CACNA1S: variants seen among roughly 807,000 people sequenced by gnomAD.
The protein encoded by CACNA1S is voltage-dependent L-type calcium channel subunit alpha-1S.
Under a neutral mutation model 207.4 loss-of-function variants are expected in CACNA1S, and 126 were observed. The ratio of observed to expected loss-of-function variants is 0.61; its 90% CI spans 0.53 to 0.70. The LOEUF is 0.70. CACNA1S is among the 30% of genes least tolerant of loss of function. The probability of loss-of-function intolerance (pLI) is 0.00; values close to 1 mark genes in which losing one functional copy is unlikely to be tolerated. For synonymous variants in CACNA1S, 960 were observed against 932.7 expected (o/e 1.03, Z -0.53); for missense variants, 2,349 against 2,422.8 (o/e 0.97, Z 0.64).
rs1661376905 is a variant in CACNA1S, at chr1:201,069,538, G to T, written c.2424C>A (p.Phe808Leu). The part of the protein sequence containing the change: ...ATWFTNFILL[F>L]ILLSSAALAA... ...CCAGTGCAGCGCTGCTGAGCAGGAT[G>T]AAGAGCAGGATGAAGTTGGTAAACC... is the stretch of plus-strand genomic sequence containing the variant. Residue 808 changes from phenylalanine to leucine, a missense_variant, in exon 18 of 44, where the codon TTC becomes TTA. Transcript: ENST00000362061. 3.2e-6 allele frequency: 5 copies of T among 1,584,536 alleles called. No homozygotes were observed. The highest frequency in any genetic ancestry group is 4.3e-6 in the Non-Finnish European group (5 of 1,166,540).
At chr1:201,068,617 A>G (rs1288093359) in intron 19 of CACNA1S, among the ~76,000 whole-genome samples, 1 of 151,234 alleles carries the variant, frequency 6.6e-6, no homozygotes, top group Non-Finnish European at 1.5e-5. Context: ...TCATGCCTGT[A>G]ATCCCAGCAC....
chr1:201,106,281 G>A (rs1319296838), intron 2 of CACNA1S, among the ~76,000 whole-genome samples: 3 of 151,940 alleles, frequency 2.0e-5, no homozygotes, highest in Admixed American at 2.0e-4. Flanking sequence ...TTTCCTGCCT[G>A]GATGACTTCC....
chr1:201,111,718 C>A (rs1034969736), intron 1 of CACNA1S, among the ~76,000 whole-genome samples: 1 of 152,164 alleles, frequency 6.6e-6, no homozygotes, highest in African/African-American at 2.4e-5. Context: ...TTTTTGGTCC[C>A]TATCCTATTC....
At position 201,039,816 on chromosome 1, in the gene CACNA1S, G is replaced by A; in HGVS notation, c.*15C>T. On this transcript the variant is annotated 3_prime_UTR_variant, in exon 44 of 44. Coordinates refer to ENST00000362061, the MANE Select transcript of CACNA1S (RefSeq NM_000069.3). Reference sequence around the variant, plus strand: ...GTCATGCCAGCTCTAAGCCCATGCTGATGCTGTGTGGGCATCACAGCCTTG... The same window carrying A: ...GTCATGCCAGCTCTAAGCCCATGCTAATGCTGTGTGGGCATCACAGCCTTG... 6.2e-7 allele frequency: 1 copy of A among 1,601,864 alleles called. No individual in the cohort carries two copies. Among genetic ancestry groups the A allele is most frequent in the Non-Finnish European group, 8.5e-7 (1 of 1,179,974 alleles).
intron 9 of CACNA1S, 133 bp downstream of exon 9, chr1:201,084,817 T>C: frequency 4.3e-6 from 3 of 693,440 alleles, no homozygotes; most frequent in Non-Finnish European, 7.7e-6. Context: ...GGCCCTATTT[T>C]CTTAAAAAGG....
chr1:201,055,909 G>A (rs570345962), intron 28 of CACNA1S, among the ~76,000 whole-genome samples: 37 of 152,286 alleles, frequency 2.4e-4, no homozygotes, highest in Middle Eastern at 3.4e-3. Context: ...ACTATTTTTA[G>A]TTTGGGCTGT....
intron 28 of CACNA1S, among the ~76,000 whole-genome samples, chr1:201,056,090 C>CACAT (rs1188505291): frequency 2.0e-5 from 3 of 150,234 alleles, no homozygotes; most frequent in Non-Finnish European, 3.0e-5. Flanking sequence ...CACACACACA[C>CACAT]ACACACACAC....
chr1:201,069,771 C>CCTTT (rs1661387595), intron 17 of CACNA1S, among the ~76,000 whole-genome samples, 170 bp from the exon 18 acceptor site: 3 of 152,266 alleles, frequency 2.0e-5, no homozygotes, highest in African/African-American at 7.2e-5. Context: ...CACAGGGGGC[C>CCTTT]CTGACCTCTC....
intron 36 of CACNA1S, among the ~76,000 whole-genome samples, chr1:201,047,898 C>T (rs918603414): frequency 1.3e-5 from 2 of 152,242 alleles, no homozygotes; most frequent in Non-Finnish European, 2.9e-5. Context: ...ATCTCCTGCT[C>T]TTCTTCCAAA....
chr1:201,072,731 C>T, intron 16 of CACNA1S, 24 bp downstream of exon 16: 1 of 1,594,238 alleles, frequency 6.3e-7, no homozygotes, highest in Non-Finnish European at 8.6e-7. Flanking sequence ...CACCCTGCTC[C>T]AGTCCAGTCT....
At chr1:201,040,758 G>T in intron 41 of CACNA1S, 45 bp from the exon 42 acceptor site, 1 of 1,513,664 alleles carries the variant, frequency 6.6e-7, no homozygotes, top group Non-Finnish European at 9.1e-7. Context: ...GCTGACTCCT[G>T]CCAGGAGCCC....
Position 201,059,271 on chromosome 1 carries a change from T to C in CACNA1S, c.3443A>G (p.His1148Arg). The C allele has an allele frequency of 3.7e-6, 6 of 1,613,796 alleles. No individual in the cohort carries two copies. Among genetic ancestry groups the C allele is most frequent in the Non-Finnish European group, 5.1e-6 (6 of 1,179,718 alleles). Residue 1148 changes from histidine (H) to arginine (R), a missense_variant, in exon 27 of 44, where the codon CAC becomes CGC. Coordinates refer to ENST00000362061, the MANE Select transcript of CACNA1S (RefSeq NM_000069.3). ...GGCCACATTGAGGATGTCTGAGATG[T>C]GGTTCATCTGCTCCGACTGGTTGTA... Reference protein sequence around the residue: ...QHYNQSEQMNHISDILNVAFT... With the variant: ...QHYNQSEQMNRISDILNVAFT...
intron 10 of CACNA1S, among the ~76,000 whole-genome samples, chr1:201,079,322 C>G (rs553178061): frequency 1.1e-4 from 17 of 152,180 alleles, no homozygotes; most frequent in Middle Eastern, 6.8e-3. Context: ...ACTACTCTCT[C>G]CAGGGGCATC....
intron 19 of CACNA1S, among the ~76,000 whole-genome samples, chr1:201,067,459 G>C (rs1003990471): frequency 1.2e-4 from 18 of 152,076 alleles, no homozygotes; most frequent in Non-Finnish European, 2.2e-4. Flanking sequence ...CTGCCTTCTT[G>C]CTCCCCTCTC....
rs528811944 is a variant in CACNA1S at position 201,092,751 on chromosome 1, C to T, written c.399-637G>A. ...GTACGCATTTGTCTTGGCTTCCAAC[C>T]AGGGCAGTTTGTAAAAGGCAGAGGC... On this transcript the variant is annotated intron_variant, in intron 3 of 43. Coordinates refer to ENST00000362061, the MANE Select transcript of CACNA1S (RefSeq NM_000069.3). Among the ~76,000 whole-genome samples the T allele has an allele frequency of 2.0e-5, 3 of 152,344 alleles. No individual in the cohort carries two copies. The South Asian group carries it at 6.2e-4, about 32-fold the overall frequency.
intron 13 of CACNA1S, 77 bp downstream of exon 13, chr1:201,075,418 C>T: frequency 1.3e-6 from 2 of 1,589,976 alleles, no homozygotes; most frequent in African/African-American, 1.3e-5. Flanking sequence ...AAACTGGACA[C>T]CCTTGACCCC....
In CACNA1S at chr1:201,083,215, A is replaced by C. The variant is rs1482731235; in HGVS notation, c.1340T>G (p.Leu447Arg). 6.2e-7 allele frequency: 1 copy of C among 1,614,204 alleles called. No homozygotes were observed. Among genetic ancestry groups the C allele is most frequent in the East Asian group, 2.2e-5 (1 of 44,882 alleles). Residue 447 changes from leucine (L) to arginine (R), a missense_variant, in exon 10 of 44, where the codon CTG becomes CGG. By Grantham distance (102) the Leu-to-Arg change is moderately radical (BLOSUM62 -2). Coordinates refer to ENST00000362061, the MANE Select transcript of CACNA1S (RefSeq NM_000069.3). ...LVILIVALNT[L>R]SIASEHHNQP... ...GTTGTGGTGCTCTGAGGCGATAGAC[A>C]GGGTGTTGAGGGCAACGATGAGAAT...
At chr1:201,048,210 C>A (rs1171174272) in intron 36 of CACNA1S, among the ~76,000 whole-genome samples, 2 of 152,208 alleles carry the variant, frequency 1.3e-5, no homozygotes, top group Non-Finnish European at 2.9e-5. Context: ...TGAGGACCTG[C>A]AGATTTAGTG....
intron 2 of CACNA1S, among the ~76,000 whole-genome samples, chr1:201,098,230 C>T (rs115796229): frequency 4.7e-4 from 71 of 152,324 alleles, no homozygotes; most frequent in Non-Finnish European, 7.2e-4. Context: ...ACCAGTGTCC[C>T]GGGGCACTGC....
Sources: gnomAD v4.1 joint callset for allele counts (sites outside exome capture counted in the v4.1 genomes callset) on GRCh38, gnomAD v4.1.1 for gene constraint, MANE v1.5 for transcripts, NCBI Gene and HGNC (gene_info 2026-07-23, HGNC 2026-07-21) for gene names.